IGSF21: variants seen among roughly 807,000 people sequenced by gnomAD.
IGSF21 encodes immunoglobin superfamily member 21.
A neutral mutation model predicts 46.8 loss-of-function variants in IGSF21; 28 were observed. The observed-to-expected ratio is 0.60, with a 90% confidence interval of 0.44 to 0.82. The LOEUF (loss-of-function observed/expected upper bound fraction) is 0.82, where lower values mean the gene tolerates loss of function less well. Ranked by LOEUF, IGSF21 falls within the 40% of genes least tolerant of loss-of-function variation. The probability of loss-of-function intolerance (pLI) is 0.00; values close to 1 mark genes in which losing one functional copy is unlikely to be tolerated. For synonymous variants in IGSF21, 284 were observed against 273.6 expected (o/e 1.04, Z -0.38); for missense variants, 624 against 665.5 (o/e 0.94, Z 0.69).
chr1:18,235,674 T>C (rs929114628), intron 2 of IGSF21, among the ~76,000 whole-genome samples: 5 of 152,204 alleles, frequency 3.3e-5, no homozygotes, highest in African/African-American at 1.2e-4. Flanking sequence ...GCAGAGACCG[T>C]TCATACCAGG....
At chr1:18,284,034 A>G (rs1050378460) in intron 2 of IGSF21, among the ~76,000 whole-genome samples, 6 of 152,212 alleles carry the variant, frequency 3.9e-5, no homozygotes, top group African/African-American at 1.4e-4. Flanking sequence ...CACACGTTTC[A>G]GAAATTTAGA....
At chr1:18,360,592 A>C (rs2086090101) in intron 4 of IGSF21, among the ~76,000 whole-genome samples, 1 of 152,154 alleles carries the variant, frequency 6.6e-6, no homozygotes. Flanking sequence ...GAAGGAAGGA[A>C]AGGCCCATAC....
chr1:18,157,511 G>A (rs11800573), intron 1 of IGSF21, among the ~76,000 whole-genome samples: 21,429 of 152,110 alleles, frequency 0.14, 1,545 homozygotes, highest in Middle Eastern at 0.25. Context: ...CCCACAAGCT[G>A]GGGACTCCCA....
intron 2 of IGSF21, among the ~76,000 whole-genome samples, chr1:18,267,684 G>T (rs912477722): frequency 6.6e-6 from 1 of 152,214 alleles, no homozygotes; most frequent in African/African-American, 2.4e-5. Flanking sequence ...CAGATCACGG[G>T]CCCTAGGTGG....
intron 1 of IGSF21, among the ~76,000 whole-genome samples, chr1:18,184,322 G>T (rs569107567): frequency 6.6e-6 from 1 of 151,918 alleles, no homozygotes; most frequent in Non-Finnish European, 1.5e-5. Flanking sequence ...TTTCTGCTGG[G>T]CCAAACCACC....
At chr1:18,243,416 C>A (rs1453680972) in intron 2 of IGSF21, among the ~76,000 whole-genome samples, 1 of 152,166 alleles carries the variant, frequency 6.6e-6, no homozygotes, top group East Asian at 1.9e-4. Flanking sequence ...TTCTAAAAGA[C>A]AAGCCCTGAA....
Position 18,359,383 on chromosome 1 carries a change from A to AAAGGAAGGAAGGAAGG in IGSF21, c.425-2689_425-2674dup, listed in dbSNP as rs1202935647. 3.1e-4 allele frequency among the ~76,000 whole-genome samples: 19 copies of AAAGGAAGGAAGGAAGG among 61,104 alleles called. 1 individual carries two copies. The highest frequency in any genetic ancestry group is 6.2e-4 in the South Asian group (1 of 1,608). The allele number at this position is 61,104 out of a possible 152,430, so 40.1% of individuals were successfully genotyped here. ...GAAAGAAAGAAAGAAAGAAAGAAAG[A>AAAGGAAGGAAGGAAGG]AAGGAAGGAAGGAAGGAAGGAAGGA... On this transcript the variant is annotated intron_variant, in intron 4 of 9. Transcript: ENST00000251296.
chr1:18,264,391 T>C (rs1044972189), intron 2 of IGSF21, among the ~76,000 whole-genome samples: 1 of 152,218 alleles, frequency 6.6e-6, no homozygotes, highest in Non-Finnish European at 1.5e-5. Context: ...AACTCATGTT[T>C]ATTGTCATTA....
rs2085780658 is a variant in IGSF21, at chr1:18,337,393, G to T, written c.424+2383G>T. On this transcript the variant is annotated intron_variant, in intron 4 of 9. Coordinates refer to ENST00000251296, the MANE Select transcript of IGSF21 (RefSeq NM_032880.5). The surrounding 1 kb of genome is among the most constrained non-coding windows in gnomAD (Gnocchi z 5.7). ...ACCTCATCAAGAATATCATTGAAGAGCTCAGTTACTTGGACACTGTTGTTT... is the reference window on the plus strand; with the variant it reads ...ACCTCATCAAGAATATCATTGAAGATCTCAGTTACTTGGACACTGTTGTTT... Among the ~76,000 whole-genome samples the T allele has an allele frequency of 6.6e-6, 1 of 152,168 alleles. No individual in the cohort carries two copies. The highest frequency in any genetic ancestry group is 2.4e-5 in the African/African-American group (1 of 41,430).
intron 3 of IGSF21, among the ~76,000 whole-genome samples, chr1:18,314,943 T>C (rs2085525771): frequency 6.6e-6 from 1 of 151,884 alleles, no homozygotes; most frequent in Admixed American, 6.6e-5. Context: ...GCCCAGCTGA[T>C]GGAGGTGCAG....
chr1:18,263,976 A>G (rs1323883714), intron 2 of IGSF21, among the ~76,000 whole-genome samples: 1 of 152,190 alleles, frequency 6.6e-6, no homozygotes, highest in Non-Finnish European at 1.5e-5. Context: ...GGATAAAACT[A>G]TTTTCTTTTC....
At chr1:18,220,460 C>T (rs893782452) in intron 1 of IGSF21, among the ~76,000 whole-genome samples, 3 of 152,096 alleles carry the variant, frequency 2.0e-5, no homozygotes, top group African/African-American at 7.2e-5. Context: ...TGTGAGGGCC[C>T]TCCTGGGAAT....
chr1:18,232,995 C>T (rs1323669402), intron 2 of IGSF21, among the ~76,000 whole-genome samples: 2 of 152,144 alleles, frequency 1.3e-5, no homozygotes, highest in Non-Finnish European at 2.9e-5. Context: ...GGTTGGAGGC[C>T]GCCTGCCCAG....
chr1:18,278,136 G>C (rs1399041848), intron 2 of IGSF21, among the ~76,000 whole-genome samples: 2 of 152,112 alleles, frequency 1.3e-5, no homozygotes, highest in South Asian at 2.1e-4. Flanking sequence ...AATAAATAAG[G>C]CTGTGTGGCT....
chr1:18,133,466 A>G (rs1224912352), intron 1 of IGSF21, among the ~76,000 whole-genome samples: 1 of 152,220 alleles, frequency 6.6e-6, no homozygotes, highest in Non-Finnish European at 1.5e-5. Flanking sequence ...TCTCCATCTG[A>G]CAAATGCGGC....
intron 2 of IGSF21, among the ~76,000 whole-genome samples, chr1:18,269,058 A>C (rs2085018106): frequency 6.6e-6 from 1 of 152,200 alleles, no homozygotes; most frequent in African/African-American, 2.4e-5. Flanking sequence ...TTAATCCAGG[A>C]GCAAATGAGC....
intron 1 of IGSF21, among the ~76,000 whole-genome samples, chr1:18,219,305 G>A (rs746518347): frequency 1.3e-5 from 2 of 152,212 alleles, no homozygotes; most frequent in Non-Finnish European, 2.9e-5. Flanking sequence ...GGGAAAGATT[G>A]TTCTGGAAGG....
chr1:18,278,387 C>G (rs1189964207), intron 2 of IGSF21, among the ~76,000 whole-genome samples: 1 of 150,464 alleles, frequency 6.6e-6, no homozygotes, highest in Non-Finnish European at 1.5e-5. Flanking sequence ...TTACAGGCGC[C>G]CCCCCAACAC....
rs552896221 is a variant in IGSF21 at position 18,277,336 on chromosome 1, A to G, written c.184-14530A>G. Among the ~76,000 whole-genome samples, 9 of 152,282 alleles carry G rather than the reference A, an allele frequency of 5.9e-5. No individual in the cohort carries two copies. The South Asian group carries it at 1.9e-3, about 32-fold the overall frequency. ...GGATGAAATACAGTGCCAGGCACGGAGCACTTGGTCCTGACAGGCCCTCCT... is the reference window on the plus strand; with the variant it reads ...GGATGAAATACAGTGCCAGGCACGGGGCACTTGGTCCTGACAGGCCCTCCT... On this transcript the variant is annotated intron_variant, in intron 2 of 9. Transcript: ENST00000251296.
Sources: allele counts gnomAD v4.1 joint callset (sites outside exome capture counted in the v4.1 genomes callset), GRCh38; gene constraint gnomAD v4.1.1; non-coding constraint Gnocchi (gnomAD v3.1); transcripts MANE v1.5; gene names NCBI Gene and HGNC (gene_info 2026-07-23, HGNC 2026-07-21).